Variants in CDH26 observed in about 807,000 individuals in gnomAD.
CDH26 encodes cadherin-like protein 26.
Under a neutral mutation model 90.3 loss-of-function variants are expected in CDH26, and 83 were observed. That is an observed-to-expected ratio of 0.92 (90% CI 0.77 to 1.10). The LOEUF is 1.10. CDH26 is among the 50% of genes least tolerant of loss of function. CDH26 has a pLI of 0.00. For missense variants in CDH26, 1,013 were observed against 1,037.6 expected (o/e 0.98, Z 0.33); for synonymous variants, 397 against 396.3 (o/e 1.00, Z -0.02).
At chr20:60,035,862 G>T (rs2062078417), downstream of CDH26, among the ~76,000 whole-genome samples, 1 of 151,930 alleles carries the variant, frequency 6.6e-6, no homozygotes, top group African/African-American at 2.4e-5. Context: ...CTTTCGCCAT[G>T]ATTGTAAGTT....
chr20:60,022,410 A>G (rs1409869843), intron 7 of CDH26, among the ~76,000 whole-genome samples: 1 of 152,224 alleles, frequency 6.6e-6, no homozygotes, highest in Non-Finnish European at 1.5e-5. Flanking sequence ...TTTGGTTTTT[A>G]TGTGCAATAA....
chr20:59,974,240 G>GT (rs879916107), intron 4 of CDH26, among the ~76,000 whole-genome samples: 11 of 151,666 alleles, frequency 7.3e-5, no homozygotes, highest in African/African-American at 1.9e-4. Context: ...TTTTAATGGG[G>GT]TTTTTTTTCT....
intron 7 of CDH26, among the ~76,000 whole-genome samples, chr20:60,019,629 G>T (rs575945091): frequency 6.6e-6 from 1 of 151,946 alleles, no homozygotes; most frequent in East Asian, 1.9e-4. Flanking sequence ...TTGTCTATTT[G>T]TATTCTCTTA....
At chr20:59,999,441 A>T in intron 13 of CDH26, 145 bp from the exon 14 acceptor site, 1 of 587,196 alleles carries the variant, frequency 1.7e-6, no homozygotes, top group Admixed American at 3.4e-5. Context: ...TTTACAGGAG[A>T]GGTGTATTTT....
At chr20:59,994,853 G>A (rs1210427451) in intron 11 of CDH26, among the ~76,000 whole-genome samples, 1 of 152,152 alleles carries the variant, frequency 6.6e-6, no homozygotes, top group African/African-American at 2.4e-5. Context: ...TTGGGAGGGC[G>A]GATGTGCTGA....
intron 13 of CDH26, among the ~76,000 whole-genome samples, chr20:59,998,836 AG>A (rs2061637744): frequency 6.6e-6 from 1 of 152,190 alleles, no homozygotes; most frequent in Non-Finnish European, 1.5e-5. Flanking sequence ...CATGCAATAA[AG>A]GGTGGCCGCC....
At chr20:60,003,294 T>C (rs1458090200) in intron 16 of CDH26, among the ~76,000 whole-genome samples, 1 of 152,212 alleles carries the variant, frequency 6.6e-6, no homozygotes, top group East Asian at 1.9e-4. Context: ...ATAAAACATC[T>C]AAGTACTAAT....
intron 1 of CDH26, among the ~76,000 whole-genome samples, chr20:59,967,880 C>CTCTCTCT (rs1195650307): frequency 8.0e-5 from 6 of 74,922 alleles, no homozygotes; most frequent in African/African-American, 5.2e-4. Flanking sequence ...TTTCTTTCTT[C>CTCTCTCT]CTTCCTTCCT....
intron 4 of CDH26, among the ~76,000 whole-genome samples, chr20:59,982,669 A>G (rs1178245820): frequency 1.3e-5 from 2 of 152,170 alleles, no homozygotes; most frequent in East Asian, 3.9e-4. Context: ...ATTTGAACCT[A>G]ATAATAACTG....
intron 5 of CDH26, among the ~76,000 whole-genome samples, chr20:59,983,710 T>G (rs1046896217): frequency 7.9e-5 from 12 of 152,348 alleles, no homozygotes; most frequent in African/African-American, 2.9e-4. Context: ...TTATGTATAA[T>G]TACAAATGCA....
At chr20:60,005,887 C>A (rs879927549) in intron 16 of CDH26, among the ~76,000 whole-genome samples, 5 of 152,210 alleles carry the variant, frequency 3.3e-5, no homozygotes, top group Non-Finnish European at 5.9e-5. Flanking sequence ...ACCTCCCTAA[C>A]CATCCCAGCA....
At chr20:59,959,158 T>A (rs964816885) in intron 1 of CDH26, among the ~76,000 whole-genome samples, 3 of 152,102 alleles carry the variant, frequency 2.0e-5, no homozygotes, top group Non-Finnish European at 4.4e-5. Flanking sequence ...TGGAGTGCAG[T>A]GGCATGATCA....
chr20:60,029,264 G>A (rs1015829628), intron 7 of CDH26, among the ~76,000 whole-genome samples: 16 of 152,100 alleles, frequency 1.1e-4, no homozygotes, highest in African/African-American at 3.6e-4. Context: ...GCACAACGTG[G>A]CACCTATAGT....
chr20:60,008,389 G>A (rs562671606), intron 17 of CDH26, among the ~76,000 whole-genome samples: 20 of 152,260 alleles, frequency 1.3e-4, no homozygotes, highest in Non-Finnish European at 2.6e-4. Context: ...CAAGGTCACA[G>A]CCACAGAAAG....
At chr20:60,010,437 G>A (rs982253238) in intron 17 of CDH26, among the ~76,000 whole-genome samples, 6 of 152,138 alleles carry the variant, frequency 3.9e-5, no homozygotes, top group African/African-American at 1.4e-4. Flanking sequence ...TAGAACTGGC[G>A]CTGGGTTCAG....
chr20:59,972,327 A>C (rs1183861076), intron 4 of CDH26, among the ~76,000 whole-genome samples: 1 of 152,226 alleles, frequency 6.6e-6, no homozygotes, highest in Non-Finnish European at 1.5e-5. Context: ...TGATTTCTGC[A>C]ATCGATGTGA....
intron 16 of CDH26, among the ~76,000 whole-genome samples, chr20:60,005,782 G>T (rs1001618432): frequency 7.2e-5 from 11 of 152,112 alleles, no homozygotes; most frequent in Non-Finnish European, 1.3e-4. Context: ...GCAGAACCCA[G>T]CCTAAGACAG....
chr20:59,967,876 TCTTCCTTC>T lies in CDH26; in HGVS notation c.70-1063_70-1056del, dbSNP rs1315479146. Among the ~76,000 whole-genome samples the T allele has an allele frequency of 3.1e-3, 170 of 54,594 alleles. 5 individuals are homozygous for T. Among genetic ancestry groups the T allele is most frequent in the African/African-American group, 0.012 (119 of 10,056 alleles). 35.8% of individuals were successfully genotyped at this position (54,594 alleles called of 152,430 possible). On this transcript the variant is annotated intron_variant, in intron 1 of 17. Coordinates refer to ENST00000348616, the MANE Select transcript of CDH26 (RefSeq NM_177980.4). ...TTCTTTCTTTCTTTCTTTCTTTCTT[TCTTCCTTC>T]CTTCCTTCCTTCCTTCCTTCCTTCC...
rs2145993648 is a variant in CDH26 at position 59,992,293 on chromosome 20, C to T, written c.1284-85C>T. ...TGTGGTAGAAATAGTGTTTCTATGA[C>T]ATATTTTGTTTTTTTATGCAACTTT... On this transcript the variant is annotated intron_variant, in intron 9 of 17. Coordinates refer to ENST00000348616, the MANE Select transcript of CDH26 (RefSeq NM_177980.4). This position sits in a 1 kb window ranked among gnomAD's most constrained non-coding sequence, Gnocchi z 5.0. 1.4e-5 allele frequency: 17 copies of T among 1,234,454 alleles called. No individual in the cohort carries two copies. The highest frequency in any genetic ancestry group is 1.8e-5 in the Non-Finnish European group (16 of 877,566). 76.5% of individuals were successfully genotyped at this position (1,234,454 alleles called of 1,614,324 possible). A position where few individuals can be genotyped will look rare whatever the true frequency, so the allele number is the denominator to read the frequency against.
Sources: allele counts gnomAD v4.1 joint callset (sites outside exome capture counted in the v4.1 genomes callset), GRCh38; gene constraint gnomAD v4.1.1; non-coding constraint Gnocchi (gnomAD v3.1); transcripts MANE v1.5; gene names NCBI Gene and HGNC (gene_info 2026-07-23, HGNC 2026-07-21).